ANK3: variants seen among roughly 807,000 people sequenced by gnomAD.
ANK3 encodes ankyrin 3, also known as ankyrin-3.
ANK3 carries 57 observed loss-of-function variants against 370.9 expected under a neutral mutation model. That is an observed-to-expected ratio of 0.15 (90% CI 0.12 to 0.19). The LOEUF is 0.19. Ranked by LOEUF, ANK3 falls within the 10% of genes least tolerant of loss-of-function variation. ANK3 has a pLI of 1.00. For synonymous variants in ANK3, 1,929 were observed against 1,946.3 expected (o/e 0.99, Z 0.23); for missense variants, 4,439 against 5,302.1 (o/e 0.84, Z 5.06).
intron 39 of ANK3, among the ~76,000 whole-genome samples, chr10:60,063,646 T>C (rs1399613644): frequency 1.3e-5 from 2 of 152,342 alleles, no homozygotes; most frequent in East Asian, 3.9e-4. Context: ...CATAATAATT[T>C]ATTCCACATT....
intron 21 of ANK3, 118 bp downstream of exon 21, chr10:60,172,190 T>C: frequency 1.4e-6 from 1 of 720,960 alleles, no homozygotes; most frequent in Non-Finnish European, 2.4e-6. Context: ...GAGGTGACTG[T>C]ATTTTAAAAC....
At chr10:60,152,344 C>T (rs2095168425) in intron 23 of ANK3, among the ~76,000 whole-genome samples, 3 of 152,134 alleles carry the variant, frequency 2.0e-5, no homozygotes, top group Admixed American at 2.0e-4. Context: ...GGCTTTTGTT[C>T]TACAAAGGCA....
rs183737973 is a variant in ANK3 at position 60,340,785 on chromosome 10, G to A, written c.114+48640C>T. 2.9e-3 allele frequency among the ~76,000 whole-genome samples: 438 copies of A among 152,218 alleles called. 6 individuals carry two copies. The highest frequency in any genetic ancestry group is 0.027 in the South Asian group (131 of 4,816). On this transcript the variant is annotated intron_variant, in intron 1 of 43. Coordinates refer to ENST00000280772, the MANE Select transcript of ANK3 (RefSeq NM_020987.5). ...AGGCAGTAGTACAAACGGTGGCAAC[G>A]CTGAGCAGCCAGCATCAACTAAGCA...
At chr10:60,042,793 G>A (rs759515925) in intron 42 of ANK3, 34 bp from the exon 43 acceptor site, 2 of 1,579,410 alleles carry the variant, frequency 1.3e-6, no homozygotes, top group Non-Finnish European at 1.7e-6. Flanking sequence ...AGATTTCACA[G>A]TGAAACAGTG....
At chr10:60,383,187 C>G (rs2061780927) in intron 1 of ANK3, among the ~76,000 whole-genome samples, 1 of 152,088 alleles carries the variant, frequency 6.6e-6, no homozygotes, top group Non-Finnish European at 1.5e-5. Flanking sequence ...TGGTTAATGA[C>G]TCAGTACATT....
At chr10:60,593,420 C>T (rs757249848) in intron 2 of ANK3, among the ~76,000 whole-genome samples, 4 of 152,100 alleles carry the variant, frequency 2.6e-5, no homozygotes, top group Non-Finnish European at 5.9e-5. Context: ...AAAGGACTCA[C>T]TATAAAGAGA....
intron 42 of ANK3, chr10:60,042,964 A>G: frequency 7.3e-7 from 1 of 1,364,980 alleles, no homozygotes; most frequent in Admixed American, 3.5e-5. Context: ...GTCAAAATGA[A>G]TACAACATAA....
At chr10:60,167,728 C>G (rs561141333) in intron 21 of ANK3, among the ~76,000 whole-genome samples, 1 of 150,870 alleles carries the variant, frequency 6.6e-6, no homozygotes, top group Admixed American at 6.6e-5. Context: ...GGAAGATACA[C>G]GTTTAAATGA....
At chr10:60,410,366 T>C (rs1345038435) in intron 2 of ANK3, among the ~76,000 whole-genome samples, 2 of 152,082 alleles carry the variant, frequency 1.3e-5, no homozygotes, top group African/African-American at 2.4e-5. Context: ...TTTAGCTCCA[T>C]GGGGGGAAGG....
chr10:60,707,520 T>G (rs965337392), intron 1 of ANK3, among the ~76,000 whole-genome samples: 1 of 151,998 alleles, frequency 6.6e-6, no homozygotes, highest in East Asian at 1.9e-4. Flanking sequence ...ATACTCTGAC[T>G]TGGGCCAGTG....
chr10:60,657,651 T>C (rs970596512), intron 1 of ANK3, among the ~76,000 whole-genome samples: 11 of 152,178 alleles, frequency 7.2e-5, no homozygotes, highest in African/African-American at 2.7e-4. Flanking sequence ...TGGTCTATCT[T>C]GTGGAATATT....
At chr10:60,469,854 G>A (rs1285836122) in intron 2 of ANK3, among the ~76,000 whole-genome samples, 7 of 151,188 alleles carry the variant, frequency 4.6e-5, no homozygotes, top group Non-Finnish European at 8.8e-5. Flanking sequence ...ATGAATCCGT[G>A]CCAATGAAAC....
chr10:60,554,997 T>C (rs1457267642), intron 2 of ANK3, among the ~76,000 whole-genome samples: 1 of 152,216 alleles, frequency 6.6e-6, no homozygotes, highest in Non-Finnish European at 1.5e-5. Flanking sequence ...AGCTTTGTAA[T>C]TCTTTTGTTT....
At chr10:60,186,173 G>A (rs7087489) in intron 17 of ANK3, among the ~76,000 whole-genome samples, 113,780 of 152,034 alleles carry the variant, frequency 0.75, 42,809 homozygotes, top group East Asian at 0.85. Flanking sequence ...TCTTTGCTAT[G>A]TTATGGTGAA....
chr10:60,454,079 C>G (rs1179150156), intron 2 of ANK3, among the ~76,000 whole-genome samples: 2 of 152,142 alleles, frequency 1.3e-5, no homozygotes, highest in African/African-American at 2.4e-5. Flanking sequence ...CACTTTCTTC[C>G]CTTCCCTTTT....
intron 2 of ANK3, among the ~76,000 whole-genome samples, chr10:60,532,212 A>G (rs754247341): frequency 6.6e-6 from 1 of 152,194 alleles, no homozygotes; most frequent in Non-Finnish European, 1.5e-5. Flanking sequence ...ACCCAGTTGC[A>G]TACTTACTTC....
chr10:60,675,696 G>T (rs923685062), intron 1 of ANK3, among the ~76,000 whole-genome samples: 1 of 152,174 alleles, frequency 6.6e-6, no homozygotes, highest in Admixed American at 6.5e-5. Context: ...ATAGGACAGA[G>T]CCAGAGTTCA....
Position 60,386,199 on chromosome 10 carries a change from T to C in ANK3, c.114+3226A>G, listed in dbSNP as rs148652420. The stretch of plus-strand genomic sequence containing the variant: ...ACCCACCCAAAGGCACTCTATCTAC[T>C]TTTGGCATGCCTCCCACTGGTTGCC... On this transcript the variant is annotated intron_variant, in intron 1 of 43. Transcript: ENST00000280772. Among the ~76,000 whole-genome samples the C allele has an allele frequency of 2.4e-3, 371 of 152,144 alleles. 2 individuals are homozygous for C. The highest frequency in any genetic ancestry group is 0.02 in the Middle Eastern group (6 of 294).
At chr10:60,158,800 TG>T (rs1416300097) in intron 23 of ANK3, among the ~76,000 whole-genome samples, 1 of 150,354 alleles carries the variant, frequency 6.7e-6, no homozygotes, top group Non-Finnish European at 1.5e-5. Context: ...CTCAGCCTCC[TG>T]GGTAGCTGGG....
Sources: allele counts gnomAD v4.1 joint callset (sites outside exome capture counted in the v4.1 genomes callset), GRCh38; gene constraint gnomAD v4.1.1; transcripts MANE v1.5; gene names NCBI Gene and HGNC (gene_info 2026-07-23, HGNC 2026-07-21).